Variants in EPHA6 observed in about 807,000 individuals in gnomAD.
The protein encoded by EPHA6 is ephrin type-A receptor 6.
A neutral mutation model predicts 112.0 loss-of-function variants in EPHA6; 50 were observed. The ratio of observed to expected loss-of-function variants is 0.45; its 90% CI spans 0.36 to 0.56. The LOEUF (loss-of-function observed/expected upper bound fraction) is 0.56, where lower values mean the gene tolerates loss of function less well. Ranked by LOEUF, EPHA6 falls within the 20% of genes least tolerant of loss-of-function variation. The pLI is 0.00. For synonymous variants in EPHA6, 529 were observed against 490.7 expected (o/e 1.08, Z -1.03); for missense variants, 1,280 against 1,417.4 (o/e 0.90, Z 1.56).
chr3:96,934,078 T>C (rs1328537312), intron 2 of EPHA6, among the ~76,000 whole-genome samples: 2 of 152,058 alleles, frequency 1.3e-5, no homozygotes, highest in Non-Finnish European at 2.9e-5. Flanking sequence ...AATAAGCTAT[T>C]TGTTAATAGC....
At chr3:97,316,566 C>A (rs765259346) in intron 5 of EPHA6, among the ~76,000 whole-genome samples, 2 of 151,806 alleles carry the variant, frequency 1.3e-5, no homozygotes, top group African/African-American at 4.8e-5. Context: ...TGCTATAAAA[C>A]GTGTTTGATG....
chr3:97,671,152 T>C (rs537685926), intron 14 of EPHA6, among the ~76,000 whole-genome samples: 81 of 152,226 alleles, frequency 5.3e-4, no homozygotes, highest in African/African-American at 1.3e-3. Flanking sequence ...ACTGATGAGG[T>C]TTGTGCTAAA....
intron 11 of EPHA6, among the ~76,000 whole-genome samples, chr3:97,573,665 C>T (rs1301510922): frequency 1.3e-5 from 2 of 151,740 alleles, no homozygotes; most frequent in Non-Finnish European, 2.9e-5. Flanking sequence ...CATATGTATA[C>T]ATGTGCCAGA....
At chr3:97,725,953 G>A (rs1435661599) in intron 15 of EPHA6, among the ~76,000 whole-genome samples, 2 of 152,006 alleles carry the variant, frequency 1.3e-5, no homozygotes, top group Non-Finnish European at 2.9e-5. Flanking sequence ...TGGGTATACT[G>A]AGGTTCAAAA....
intron 12 of EPHA6, among the ~76,000 whole-genome samples, chr3:97,605,809 T>C (rs2093676645): frequency 1.3e-5 from 2 of 151,638 alleles, no homozygotes; most frequent in South Asian, 4.1e-4. Flanking sequence ...GGGAATAACA[T>C]TGAATCTGTA....
chr3:97,249,325 A>C lies in EPHA6; in HGVS notation c.1606+5038A>C, dbSNP rs554412356. On this transcript the variant is annotated intron_variant, in intron 5 of 17. Coordinates refer to ENST00000389672, the MANE Select transcript of EPHA6 (RefSeq NM_001080448.3). ...ATGTTTTATTTATGGAAGAAATGTC[A>C]AACTGGCTAATCATTACTAAATCAT... Among the ~76,000 whole-genome samples the C allele has an allele frequency of 2.0e-5, 3 of 152,272 alleles. No individual in the cohort carries two copies. The South Asian group carries it at 6.2e-4, about 32-fold the overall frequency.
chr3:97,372,765 A>G (rs1036790334), intron 5 of EPHA6, among the ~76,000 whole-genome samples: 1 of 152,180 alleles, frequency 6.6e-6, no homozygotes, highest in African/African-American at 2.4e-5. Flanking sequence ...AATATATATT[A>G]TGTTATTACA....
intron 1 of EPHA6, among the ~76,000 whole-genome samples, chr3:96,846,448 C>T (rs1311785972): frequency 6.6e-6 from 1 of 151,976 alleles, no homozygotes; most frequent in Non-Finnish European, 1.5e-5. Flanking sequence ...CCAAATAACA[C>T]TAAAGAAGGT....
At chr3:97,122,823 T>C (rs1044241080) in intron 3 of EPHA6, among the ~76,000 whole-genome samples, 13 of 152,000 alleles carry the variant, frequency 8.6e-5, no homozygotes, top group African/African-American at 3.1e-4. Context: ...TATAAACATG[T>C]ATGTGTATAA....
rs2082572857 is a variant in EPHA6 at position 97,328,080 on chromosome 3, A to ATATATAG, written c.1607-77070_1607-77069insTATATAG. 7.8e-4 allele frequency among the ~76,000 whole-genome samples: 56 copies of ATATATAG among 71,392 alleles called. 1 individual carries two copies. Among genetic ancestry groups the ATATATAG allele is most frequent in the African/African-American group, 4.0e-3 (48 of 12,056 alleles). The allele number at this position is 71,392 out of a possible 152,430, so 46.8% of individuals were successfully genotyped here. ...ATATATATATATATATATATATATA[A>ATATATAG]CCTGTTTTGTATAATCATTCATTGA... On this transcript the variant is annotated intron_variant, in intron 5 of 17. Coordinates refer to ENST00000389672, the MANE Select transcript of EPHA6 (RefSeq NM_001080448.3).
chr3:97,036,193 G>T (rs1387511152), intron 3 of EPHA6, among the ~76,000 whole-genome samples: 2 of 151,868 alleles, frequency 1.3e-5, no homozygotes, highest in African/African-American at 4.8e-5. Flanking sequence ...AGCTAAAACA[G>T]ACTACCATAA....
intron 5 of EPHA6, among the ~76,000 whole-genome samples, chr3:97,331,972 C>T (rs1216257924): frequency 6.6e-6 from 1 of 152,094 alleles, no homozygotes; most frequent in Non-Finnish European, 1.5e-5. Flanking sequence ...AATTTTAGAC[C>T]AATATCCCTG....
At position 96,938,331 on chromosome 3, in the gene EPHA6, G is replaced by A. The variant is rs571480171; in HGVS notation, c.451-48999G>A. 7.1e-3 allele frequency among the ~76,000 whole-genome samples: 1,083 copies of A among 151,914 alleles called. 16 individuals are homozygous for A. The highest frequency in any genetic ancestry group is 0.024 in the African/African-American group (999 of 41,440). Reference sequence around the variant, plus strand: ...CTTGAAGAGGTCCTTCACATCCCTTGTAAGTTGGATTCCTAGGTATTTTAT... The same window carrying A: ...CTTGAAGAGGTCCTTCACATCCCTTATAAGTTGGATTCCTAGGTATTTTAT... On this transcript the variant is annotated intron_variant, in intron 2 of 17. Coordinates refer to ENST00000389672, the MANE Select transcript of EPHA6 (RefSeq NM_001080448.3).
At chr3:97,595,184 T>C (rs1178276330) in intron 12 of EPHA6, among the ~76,000 whole-genome samples, 1 of 152,202 alleles carries the variant, frequency 6.6e-6, no homozygotes, top group African/African-American at 2.4e-5. Context: ...TATGCAACAG[T>C]TGTCAACTGT....
intron 14 of EPHA6, among the ~76,000 whole-genome samples, chr3:97,719,290 T>C (rs1483329227): frequency 6.6e-6 from 1 of 151,892 alleles, no homozygotes; most frequent in East Asian, 1.9e-4. Flanking sequence ...AACAATCCCT[T>C]TGTGGTGAGC....
chr3:96,886,871 A>G (rs1232858128), intron 2 of EPHA6, among the ~76,000 whole-genome samples: 1 of 152,146 alleles, frequency 6.6e-6, no homozygotes, highest in African/African-American at 2.4e-5. Context: ...AGTTCTTGGT[A>G]AAAGAGCTGA....
chr3:96,935,359 C>T (rs1031416980), intron 2 of EPHA6, among the ~76,000 whole-genome samples: 1 of 151,386 alleles, frequency 6.6e-6, no homozygotes, highest in Non-Finnish European at 1.5e-5. Context: ...CTTTTCCATT[C>T]AAGGTTAAAA....
At chr3:97,160,434 G>A (rs945378075) in intron 3 of EPHA6, among the ~76,000 whole-genome samples, 1 of 151,780 alleles carries the variant, frequency 6.6e-6, no homozygotes, top group Non-Finnish European at 1.5e-5. Flanking sequence ...CCCCCACCAT[G>A]CCTGGCTAAT....
chr3:96,874,332 T>C (rs143112769), intron 2 of EPHA6, among the ~76,000 whole-genome samples: 61 of 152,222 alleles, frequency 4.0e-4, no homozygotes, highest in African/African-American at 1.3e-3. Flanking sequence ...ATGTTTTAGA[T>C]TGTTTTTATA....
Sources: gnomAD v4.1 joint callset for allele counts (sites outside exome capture counted in the v4.1 genomes callset) on GRCh38, gnomAD v4.1.1 for gene constraint, MANE v1.5 for transcripts, NCBI Gene and HGNC (gene_info 2026-07-23, HGNC 2026-07-21) for gene names.